IL1R1: variants seen among roughly 807,000 people sequenced by gnomAD.
IL1R1 encodes interleukin 1 receptor type 1.
IL1R1 carries 22 observed loss-of-function variants against 50.2 expected under a neutral mutation model. That is an observed-to-expected ratio of 0.44 (90% CI 0.31 to 0.63). IL1R1 has a LOEUF of 0.63. IL1R1 is among the 20% of genes least tolerant of loss of function. IL1R1 has a pLI of 0.07. For missense variants in IL1R1, 509 were observed against 676.2 expected (o/e 0.75, Z 2.74); for synonymous variants, 251 against 236.7 (o/e 1.06, Z -0.55).
chr2:102,085,500 C>T (rs762533502), intron 1 of IL1R1, among the ~76,000 whole-genome samples: 16 of 152,026 alleles, frequency 1.1e-4, no homozygotes, highest in African/African-American at 1.4e-4. Context: ...AGTTCAGTGG[C>T]GTGTTGGGCA....
At chr2:102,133,646 T>TA (rs964266173) in intron 1 of IL1R1, among the ~76,000 whole-genome samples, 1 of 152,080 alleles carries the variant, frequency 6.6e-6, no homozygotes, top group Non-Finnish European at 1.5e-5. Flanking sequence ...TTAGTGAAAC[T>TA]AAAAAAAGAA....
intron 2 of IL1R1, among the ~76,000 whole-genome samples, chr2:102,155,934 A>G (rs1481622832): frequency 6.6e-6 from 1 of 152,164 alleles, no homozygotes; most frequent in African/African-American, 2.4e-5. Flanking sequence ...ACACTCCATA[A>G]AGTTCAGTCA....
At chr2:102,105,672 CTA>C (rs1415091480) in intron 1 of IL1R1, among the ~76,000 whole-genome samples, 1 of 152,088 alleles carries the variant, frequency 6.6e-6, no homozygotes, top group Non-Finnish European at 1.5e-5. Context: ...CCTGAATGTG[CTA>C]TGTTATTAAT....
intron 9 of IL1R1, among the ~76,000 whole-genome samples, chr2:102,173,242 T>G (rs1578041880): frequency 6.6e-6 from 1 of 152,222 alleles, no homozygotes. Context: ...ACTACATTGA[T>G]GATGCATAGG....
intron 1 of IL1R1, among the ~76,000 whole-genome samples, chr2:102,120,186 G>T (rs1681327824): frequency 6.6e-6 from 1 of 152,110 alleles, no homozygotes; most frequent in Non-Finnish European, 1.5e-5. Context: ...CCTTTGATGT[G>T]CATGTTGTGT....
At chr2:102,155,358 T>G (rs1328819396) in intron 2 of IL1R1, among the ~76,000 whole-genome samples, 2 of 152,228 alleles carry the variant, frequency 1.3e-5, no homozygotes. Context: ...TTACTCAACA[T>G]GCCATCTATG....
intron 1 of IL1R1, among the ~76,000 whole-genome samples, chr2:102,083,803 G>C (rs1465002181): frequency 6.6e-6 from 1 of 151,982 alleles, no homozygotes; most frequent in Non-Finnish European, 1.5e-5. Flanking sequence ...AATTAGCCAG[G>C]CATGGTGATG....
chr2:102,165,459 G>A (rs187610965), intron 5 of IL1R1, among the ~76,000 whole-genome samples, 155 bp downstream of exon 5: 298 of 152,270 alleles, frequency 2.0e-3, no homozygotes, highest in African/African-American at 6.8e-3. Context: ...TTGTAAGACT[G>A]CATTCACTTA....
chr2:102,170,518 A>T (rs1450481826), intron 7 of IL1R1, among the ~76,000 whole-genome samples: 1 of 152,220 alleles, frequency 6.6e-6, no homozygotes, highest in Non-Finnish European at 1.5e-5. Context: ...AAAAACTAGA[A>T]TTAATTCTGT....
In IL1R1 at chr2:102,164,836, C is replaced by A; in HGVS notation, c.124C>A (p.Arg42Ser). 6.2e-7 allele frequency: 1 copy of A among 1,613,958 alleles called. No homozygotes were observed. Among genetic ancestry groups the A allele is most frequent in the South Asian group, 1.1e-5 (1 of 91,046 alleles). The change falls in exon 4 of 12, where the codon CGT (arginine) becomes AGT (serine). Residue 42 changes from arginine (R) to serine (S), a missense_variant. Coordinates refer to ENST00000410023, the MANE Select transcript of IL1R1 (RefSeq NM_000877.4). The part of the protein sequence containing the change: ...LVSSANEIDV[R>S]PCPLNPNEHK... ...GTCATCTGCAAATGAAATTGATGTT[C>A]GTCCCTGTCCTCTTAACCCAAATGA...
intron 1 of IL1R1, among the ~76,000 whole-genome samples, chr2:102,131,073 T>A (rs374955068): frequency 1.3e-5 from 2 of 151,960 alleles, no homozygotes; most frequent in East Asian, 1.9e-4. Context: ...TTAGATGAAA[T>A]AGTGGACAGG....
At chr2:102,084,462 T>C (rs1403195235) in intron 1 of IL1R1, among the ~76,000 whole-genome samples, 1 of 152,236 alleles carries the variant, frequency 6.6e-6, no homozygotes, top group East Asian at 1.9e-4. Context: ...CCAAAGATGA[T>C]ATGATTTTAT....
At position 102,178,672 on chromosome 2, in the gene IL1R1, A is replaced by C. The variant is rs1686342520; in HGVS notation, c.*1913A>C. ...TAGGAATGCTTTTATTCAAGACACC[A>C]AATTCCAAACTTCTAAATGTTGGAA... On this transcript the variant is annotated 3_prime_UTR_variant, in exon 12 of 12. Coordinates refer to ENST00000410023, the MANE Select transcript of IL1R1 (RefSeq NM_000877.4). The C allele has an allele frequency of 6.6e-6, 1 of 152,310 alleles. No homozygotes were observed. Among genetic ancestry groups the C allele is most frequent in the African/African-American group, 2.4e-5 (1 of 41,438 alleles). 9.4% of individuals were successfully genotyped at this position (152,310 alleles called of 1,614,324 possible). A position where few individuals can be genotyped will look rare whatever the true frequency, so the allele number is the denominator to read the frequency against.
chr2:102,158,903 A>G (rs1476372647), intron 3 of IL1R1, among the ~76,000 whole-genome samples: 1 of 152,204 alleles, frequency 6.6e-6, no homozygotes, highest in Non-Finnish European at 1.5e-5. Flanking sequence ...AGAAATGTTG[A>G]TGGCTTGTCA....
chr2:102,158,279 G>A (rs1331244103), intron 3 of IL1R1, among the ~76,000 whole-genome samples: 1 of 152,190 alleles, frequency 6.6e-6, no homozygotes, highest in African/African-American at 2.4e-5. Flanking sequence ...GCAGGGAACA[G>A]TGCACACAGA....
At chr2:102,071,013 A>G (rs1443986164) in intron 1 of IL1R1, among the ~76,000 whole-genome samples, 1 of 152,178 alleles carries the variant, frequency 6.6e-6, no homozygotes, top group East Asian at 1.9e-4. Context: ...TAAAAGTTAA[A>G]TAAGGATAAG....
intron 2 of IL1R1, among the ~76,000 whole-genome samples, chr2:102,157,185 G>GT (rs1684275222): frequency 1.3e-5 from 2 of 152,010 alleles, no homozygotes; most frequent in Non-Finnish European, 1.5e-5. Flanking sequence ...ATTTCTTTTA[G>GT]TTTTTTTGGG....
At chr2:102,136,452 T>C (rs1288100288) in intron 1 of IL1R1, among the ~76,000 whole-genome samples, 2 of 147,274 alleles carry the variant, frequency 1.4e-5, no homozygotes, top group African/African-American at 5.0e-5. Context: ...TCTTGGCTCA[T>C]TGCAGCCTCT....
intron 1 of IL1R1, among the ~76,000 whole-genome samples, chr2:102,148,401 A>G (rs1683343394): frequency 6.6e-6 from 1 of 152,160 alleles, no homozygotes; most frequent in South Asian, 2.1e-4. Context: ...ATTATTATGG[A>G]CATTTACTTA....
Sources: gnomAD v4.1 joint callset for allele counts (sites outside exome capture counted in the v4.1 genomes callset) on GRCh38, gnomAD v4.1.1 for gene constraint, MANE v1.5 for transcripts, NCBI Gene and HGNC (gene_info 2026-07-23, HGNC 2026-07-21) for gene names.